The following SRFBP1 variants were observed in gnomAD, a reference collection of about 807,000 sequenced individuals.
SRFBP1 encodes the protein serum response factor-binding protein 1.
SRFBP1 carries 47 observed loss-of-function variants against 45.5 expected under a neutral mutation model. The ratio of observed to expected loss-of-function variants is 1.03; its 90% CI spans 0.82 to 1.32. SRFBP1 has a LOEUF of 1.32. Ranked by LOEUF, SRFBP1 falls within the 40% of genes most tolerant of loss-of-function variation. SRFBP1 has a pLI of 0.00. For synonymous variants in SRFBP1, 203 were observed against 166.3 expected, an observed-to-expected ratio of 1.22 and a Z score of -1.70; for missense variants, 621 against 484.6, an observed-to-expected ratio of 1.28 and a Z score of -2.64.
intron 1 of SRFBP1, among the ~76,000 whole-genome samples, chr5:121,966,473 T>C (rs1006989037): frequency 1.4e-4 from 21 of 152,216 alleles, no homozygotes; most frequent in African/African-American, 4.8e-4. Flanking sequence ...AAAGCATGGA[T>C]AGCATAACTG....
intron 2 of SRFBP1, chr5:122,064,053 G>A (rs955327904): frequency 6.6e-6 from 1 of 151,788 alleles, no homozygotes; most frequent in African/African-American, 2.4e-5. Context: ...TCATGAGATC[G>A]CTAATATGGC....
At position 122,010,458 on chromosome 5, in the gene SRFBP1, T is replaced by A. The variant is rs192452176; in HGVS notation, c.271-8802T>A. ...TTTTAATTGAAGATTAACATCACTGTCACTTAAAAGCAGACCCAGTGGCTT... is the reference window on the plus strand; with the variant it reads ...TTTTAATTGAAGATTAACATCACTGACACTTAAAAGCAGACCCAGTGGCTT... On this transcript the variant is annotated intron_variant, in intron 4 of 7. Transcript: ENST00000339397. Among the ~76,000 whole-genome samples the A allele has an allele frequency of 2.2e-3, 332 of 152,258 alleles. 3 individuals carry two copies. The highest frequency in any genetic ancestry group is 2.5e-3 in the South Asian group (12 of 4,826).
At chr5:121,985,754 G>A (rs1752504638) in intron 3 of SRFBP1, among the ~76,000 whole-genome samples, 1 of 151,678 alleles carries the variant, frequency 6.6e-6, no homozygotes, top group African/African-American at 2.4e-5. Flanking sequence ...GACACTTATG[G>A]TATACCTGAG....
chr5:121,966,223 G>C (rs994638990), intron 1 of SRFBP1, among the ~76,000 whole-genome samples: 2 of 152,258 alleles, frequency 1.3e-5, no homozygotes, highest in Admixed American at 6.5e-5. Context: ...CCAATACTAA[G>C]TATGTTGTAA....
At chr5:121,983,736 A>G (rs938340975) in intron 3 of SRFBP1, among the ~76,000 whole-genome samples, 1 of 151,798 alleles carries the variant, frequency 6.6e-6, no homozygotes, top group Non-Finnish European at 1.5e-5. Flanking sequence ...AACTTTTGAC[A>G]TGAAATTCAG....
chr5:122,009,167 A>G (rs1753038648), intron 4 of SRFBP1, among the ~76,000 whole-genome samples: 1 of 151,990 alleles, frequency 6.6e-6, no homozygotes, highest in Admixed American at 6.5e-5. Flanking sequence ...ACATGTCATC[A>G]TTTTGTTTGG....
chr5:122,007,085 G>C (rs535267009), intron 4 of SRFBP1, among the ~76,000 whole-genome samples: 59 of 152,214 alleles, frequency 3.9e-4, no homozygotes, highest in Admixed American at 1.0e-3. Flanking sequence ...TGCATCCAGA[G>C]ATTTTGGGCA....
At chr5:122,014,511 G>A (rs1753157999) in intron 4 of SRFBP1, among the ~76,000 whole-genome samples, 1 of 151,386 alleles carries the variant, frequency 6.6e-6, no homozygotes, top group South Asian at 2.1e-4. Context: ...ACAAATAAGT[G>A]CTCCACAAAG....
Position 122,073,965 on chromosome 5 carries a change from C to T in SRFBP1, n.312-1350C>T, listed in dbSNP as rs372906232. 2.1e-4 allele frequency: 325 copies of T among 1,566,250 alleles called. 2 individuals are homozygous for T. Among genetic ancestry groups the T allele is most frequent in the South Asian group, 2.0e-3 (173 of 88,522 alleles). On this transcript the variant is annotated intron_variant and non_coding_transcript_variant, in intron 2 of 2. Transcript: ENST00000504881. ...TAATGCTAACTAACGGTAGATGACC[C>T]GTTTCTCTCTGAGGCTTGAGGTTCT...
downstream of SRFBP1, among the ~76,000 whole-genome samples, chr5:122,030,745 T>C (rs992109601): frequency 2.0e-5 from 3 of 152,074 alleles, no homozygotes; most frequent in Non-Finnish European, 4.4e-5. Context: ...CTCAGGGAAT[T>C]TCTATTGCTT....
intron 1 of SRFBP1, 46 bp downstream of exon 1, chr5:121,962,114 A>T (rs542751818): frequency 1.2e-6 from 2 of 1,612,166 alleles, no homozygotes; most frequent in East Asian, 4.5e-5. Flanking sequence ...GGTCCTCAAA[A>T]CCAGCTCTTT....
At chr5:121,981,576 C>T (rs1034638377) in intron 3 of SRFBP1, among the ~76,000 whole-genome samples, 9 of 142,788 alleles carry the variant, frequency 6.3e-5, no homozygotes, top group Admixed American at 1.4e-4. Flanking sequence ...TTTTTTTTAA[C>T]CAGCTAAACT....
chr5:121,962,449 C>G (rs140194463), intron 1 of SRFBP1, among the ~76,000 whole-genome samples: 2 of 152,202 alleles, frequency 1.3e-5, no homozygotes, highest in African/African-American at 4.8e-5. Context: ...ACATTACCTG[C>G]TCTTTATTGC....
intron 2 of SRFBP1, among the ~76,000 whole-genome samples, chr5:122,054,487 T>C (rs1754043530): frequency 6.6e-6 from 1 of 152,198 alleles, no homozygotes; most frequent in Non-Finnish European, 1.5e-5. Flanking sequence ...TTTTGTTTCC[T>C]GTCCGTGAGT....
intron 2 of SRFBP1, among the ~76,000 whole-genome samples, chr5:122,035,794 T>G (rs939109525): frequency 3.9e-5 from 6 of 152,160 alleles, no homozygotes; most frequent in African/African-American, 1.4e-4. Context: ...GACAATGCAA[T>G]CTACCATAAG....
chr5:122,078,059 G>A, downstream of SRFBP1: 1 of 1,339,560 alleles, frequency 7.5e-7, no homozygotes, highest in Non-Finnish European at 9.7e-7. Context: ...CTCAAATCAC[G>A]TGAGGGAAGG....
At chr5:121,982,220 A>G (rs907289992) in intron 3 of SRFBP1, among the ~76,000 whole-genome samples, 2 of 151,970 alleles carry the variant, frequency 1.3e-5, no homozygotes, top group Non-Finnish European at 2.9e-5. Flanking sequence ...AGAGCAAACA[A>G]GATGCCCTGG....
At chr5:122,060,834 T>C (rs1336547550) in intron 2 of SRFBP1, among the ~76,000 whole-genome samples, 4 of 152,102 alleles carry the variant, frequency 2.6e-5, no homozygotes, top group Admixed American at 1.3e-4. Flanking sequence ...TCCACCCTTG[T>C]CCTTTGGTTA....
At chr5:122,000,346 A>G (rs1190182043) in intron 4 of SRFBP1, among the ~76,000 whole-genome samples, 5 of 152,096 alleles carry the variant, frequency 3.3e-5, no homozygotes, top group Admixed American at 2.6e-4. Flanking sequence ...AATTAAACAT[A>G]AAAATAAATC....
Sources: gnomAD v4.1 joint callset for allele counts (sites outside exome capture counted in the v4.1 genomes callset) on GRCh38, gnomAD v4.1.1 for gene constraint, MANE v1.5 for transcripts, NCBI Gene and HGNC (gene_info 2026-07-23, HGNC 2026-07-21) for gene names.